The following TEX11 variants were observed in gnomAD, a reference collection of about 807,000 sequenced individuals.
The protein encoded by TEX11 is testis expressed 11, also known as testis-expressed protein 11.
In TEX11, 7 loss-of-function variants were observed where a neutral mutation model predicts 84.4. That is an observed-to-expected ratio of 0.08 (90% CI 0.05 to 0.16). The LOEUF (loss-of-function observed/expected upper bound fraction) is 0.16. TEX11 is among the 10% of genes least tolerant of loss of function. The pLI is 1.00. For synonymous variants in TEX11, 264 were observed against 222.8 expected (o/e 1.18, Z -1.64); for missense variants, 551 against 660.5 (o/e 0.83, Z 1.82).
chrX:70,868,128 C>T (rs2091608945), intron 4 of TEX11, among the ~76,000 whole-genome samples: 1 of 111,674 alleles, frequency 9.0e-6, no homozygotes, highest in South Asian at 3.7e-4. Flanking sequence ...ATCTATCCGT[C>T]TGACAAAGGT....
chrX:70,907,255 AC>A (rs1335533564), intron 2 of TEX11, among the ~76,000 whole-genome samples: 1 of 111,782 alleles, frequency 8.9e-6, no homozygotes, highest in Non-Finnish European at 1.9e-5. Flanking sequence ...TGAAAAAAAA[AC>A]AAGTTATGAA....
chrX:70,690,003 A>G (rs1245526374), intron 13 of TEX11, among the ~76,000 whole-genome samples: 1 of 111,761 alleles, frequency 8.9e-6, no homozygotes. Context: ...CCATAACCCC[A>G]GTCTAATCAT....
intron 13 of TEX11, among the ~76,000 whole-genome samples, chrX:70,712,240 T>A (rs1215318197): frequency 1.8e-5 from 2 of 111,713 alleles, no homozygotes; most frequent in Admixed American, 9.5e-5. Flanking sequence ...TCCAGTTTTG[T>A]TCTTTTGGCT....
intron 13 of TEX11, among the ~76,000 whole-genome samples, chrX:70,697,426 A>G (rs1427796982): frequency 9.0e-6 from 1 of 111,580 alleles, no homozygotes; most frequent in African/African-American, 3.3e-5. Flanking sequence ...AATATACCAC[A>G]TGTCACCTCT....
intron 8 of TEX11, among the ~76,000 whole-genome samples, chrX:70,831,620 T>C (rs1402626884): frequency 1.8e-5 from 2 of 111,168 alleles, no homozygotes; most frequent in Non-Finnish European, 3.8e-5. Flanking sequence ...AGAGCAATAC[T>C]CTATCTCTTC....
At chrX:70,896,973 A>G (rs1414541897) in intron 2 of TEX11, among the ~76,000 whole-genome samples, 1 of 105,400 alleles carries the variant, frequency 9.5e-6, no homozygotes, top group Non-Finnish European at 1.9e-5. Flanking sequence ...TACTAAAAAT[A>G]CAAAAAAAAA....
At chrX:70,906,184 G>T (rs1412396263) in intron 2 of TEX11, among the ~76,000 whole-genome samples, 1 of 72,438 alleles carries the variant, frequency 1.4e-5, no homozygotes, top group African/African-American at 4.8e-5. Context: ...GCAGGAAAAA[G>T]AAATATAAAA....
chrX:70,521,360 C>A, the TEX11 span, among the ~76,000 whole-genome samples: 2 of 110,314 alleles, frequency 1.8e-5, no homozygotes, highest in Admixed American at 9.7e-5. Flanking sequence ...TTCATTGCAA[C>A]TTCCGTATCC....
At chrX:70,830,413 T>C (rs1793842389) in intron 8 of TEX11, among the ~76,000 whole-genome samples, 1 of 111,634 alleles carries the variant, frequency 9.0e-6, no homozygotes, top group Admixed American at 9.6e-5. Flanking sequence ...TGGTCAATGA[T>C]TTTTTTGGAT....
At chrX:70,724,458 T>A (rs2090584397) in intron 12 of TEX11, among the ~76,000 whole-genome samples, 1 of 111,713 alleles carries the variant, frequency 9.0e-6, no homozygotes, top group African/African-American at 3.2e-5. Context: ...ATTTATTGGA[T>A]AATCAGTAAC....
chrX:70,736,810 C>T (rs2090699647), intron 11 of TEX11, among the ~76,000 whole-genome samples: 1 of 111,858 alleles, frequency 8.9e-6, no homozygotes, highest in Non-Finnish European at 1.9e-5. Flanking sequence ...CATAAATTAA[C>T]ATATCCATAA....
chrX:70,893,735 C>A (rs1177379200), intron 2 of TEX11, among the ~76,000 whole-genome samples: 1 of 111,374 alleles, frequency 9.0e-6, no homozygotes, highest in Non-Finnish European at 1.9e-5. Context: ...CAGAGCAGAA[C>A]TGAAGGAGAT....
chrX:70,889,815 A>C (rs1219635527), intron 2 of TEX11, among the ~76,000 whole-genome samples: 1 of 111,907 alleles, frequency 8.9e-6, no homozygotes, highest in Non-Finnish European at 1.9e-5. Flanking sequence ...AAAAGCAAGA[A>C]ACTAAATCAT....
intron 17 of TEX11, among the ~76,000 whole-genome samples, chrX:70,646,198 T>C (rs1889585324): frequency 8.9e-6 from 1 of 112,327 alleles, no homozygotes; most frequent in Non-Finnish European, 1.9e-5. Context: ...CCAATAGTGT[T>C]GGTAAAACTG....
chrX:70,523,950 A>C (rs1476159569), downstream of TEX11, among the ~76,000 whole-genome samples: 1 of 110,886 alleles, frequency 9.0e-6, no homozygotes, highest in East Asian at 2.8e-4. Context: ...ATAGCTTAAG[A>C]CAGAGTAAGC....
intron 13 of TEX11, among the ~76,000 whole-genome samples, chrX:70,701,483 A>G (rs1375416026): frequency 8.9e-6 from 1 of 112,110 alleles, no homozygotes; most frequent in African/African-American, 3.2e-5. Flanking sequence ...GCTCAGAAGA[A>G]AAGATTACTG....
chrX:70,798,959 T>A, intron 9 of TEX11, among the ~76,000 whole-genome samples: 1 of 111,091 alleles, frequency 9.0e-6, no homozygotes, highest in South Asian at 3.8e-4. Flanking sequence ...ACCCCCAAAG[T>A]ACAGACAACA....
chrX:70,708,952 C>T (rs2090401865), intron 13 of TEX11, among the ~76,000 whole-genome samples: 1 of 109,756 alleles, frequency 9.1e-6, no homozygotes, highest in African/African-American at 3.3e-5. Flanking sequence ...ACTCCTTTTC[C>T]CATCTCAAGA....
At chrX:70,575,093 G>C (rs2088656420) in intron 25 of TEX11, among the ~76,000 whole-genome samples, 1 of 111,137 alleles carries the variant, frequency 9.0e-6, no homozygotes, top group African/African-American at 3.3e-5. Flanking sequence ...CATTTAAATG[G>C]GAAGTGCAAG....
Sources: gnomAD v4.1 joint callset for allele counts (sites outside exome capture counted in the v4.1 genomes callset) on GRCh38, gnomAD v4.1.1 for gene constraint, MANE v1.5 for transcripts, NCBI Gene and HGNC (gene_info 2026-07-23, HGNC 2026-07-21) for gene names.